The following CPLX1 variants were observed in gnomAD, a reference collection of about 807,000 sequenced individuals.
CPLX1 encodes complexin-1.
In CPLX1, 6 loss-of-function variants were observed where a neutral mutation model predicts 15.6. The observed-to-expected ratio is 0.39, with a 90% CI of 0.21 to 0.76. CPLX1 has a LOEUF of 0.76. Among genes scored for constraint, CPLX1 ranks in the 30% least tolerant of loss-of-function variants. The pLI is 0.43. For missense variants in CPLX1, 242 were observed against 188.6 expected (o/e 1.28, Z -1.66); for synonymous variants, 91 against 75.2 (o/e 1.21, Z -1.08).
intron 2 of CPLX1, among the ~76,000 whole-genome samples, chr4:809,527 G>T (rs1358269692): frequency 2.0e-5 from 3 of 152,238 alleles, no homozygotes; most frequent in Non-Finnish European, 4.4e-5. Context: ...ATGGCCTGAG[G>T]GGGTGGGGGG....
chr4:816,106 G>A (rs1381714741), intron 2 of CPLX1, among the ~76,000 whole-genome samples: 1 of 152,044 alleles, frequency 6.6e-6, no homozygotes, highest in Non-Finnish European at 1.5e-5. Context: ...ACCAGCCTGA[G>A]ACCTCAGCTC....
intron 3 of CPLX1, 89 bp downstream of exon 3, chr4:792,344 T>C (rs1746203639): frequency 7.8e-7 from 1 of 1,279,822 alleles, no homozygotes; most frequent in African/African-American, 1.6e-5. Context: ...CCGCCCCTCT[T>C]CCGGGCAGCC....
intron 2 of CPLX1, among the ~76,000 whole-genome samples, chr4:800,971 C>T (rs909251305): frequency 6.6e-6 from 1 of 150,894 alleles, no homozygotes; most frequent in Admixed American, 6.6e-5. Context: ...GAGCCAAGAT[C>T]GTGCCACTGC....
chr4:787,507 G>C, intron 3 of CPLX1: 1 of 664,362 alleles, frequency 1.5e-6, no homozygotes, highest in African/African-American at 2.0e-5. Context: ...GATTTGAGGG[G>C]CCTCAAGTCC....
chr4:822,136 CTG>C (rs1300079976), intron 2 of CPLX1, among the ~76,000 whole-genome samples: 2 of 141,492 alleles, frequency 1.4e-5, no homozygotes, highest in Non-Finnish European at 1.6e-5. Context: ...CCTCTCACCA[CTG>C]TCTCTCCCTC....
intron 2 of CPLX1, among the ~76,000 whole-genome samples, chr4:795,655 G>A (rs565247331): frequency 1.3e-5 from 2 of 152,304 alleles, no homozygotes; most frequent in Admixed American, 1.3e-4. Context: ...CGGTGGGGGG[G>A]CGCACCGGGC....
chr4:790,865 GCTGTCTCTCCCTCTCTCTGTGC>G (rs1334897911), intron 3 of CPLX1, among the ~76,000 whole-genome samples: 23 of 151,842 alleles, frequency 1.5e-4, no homozygotes, highest in Admixed American at 7.9e-4. Flanking sequence ...GGCCTTGATT[GCTGTCTCTCCCTCTCTCTGTGC>G]CTGTCTCTCC....
In CPLX1 at chr4:786,570, C is replaced by T. The variant is rs951969303; in HGVS notation, c.336G>A (p.Glu112=). ...TGACGGTGTCCAGGATGCTCTCGTCCTCCTCCTCCACCTCGTCCCCGCAGC... is the reference window on the plus strand; with the variant it reads ...TGACGGTGTCCAGGATGCTCTCGTCTTCCTCCTCCACCTCGTCCCCGCAGC... ...PPGCGDEVEE[E]DESILDTVIK... Residue 112 remains glutamate (E), a synonymous_variant, in exon 4 of 4, where the codon GAG becomes GAA. Transcript: ENST00000304062. The T allele has an allele frequency of 6.2e-7, 1 of 1,610,110 alleles. No individual in the cohort carries two copies. Among genetic ancestry groups the T allele is most frequent in the Non-Finnish European group, 8.5e-7 (1 of 1,178,386 alleles).
chr4:794,664 G>T (rs1036505790), intron 2 of CPLX1, among the ~76,000 whole-genome samples: 1 of 152,200 alleles, frequency 6.6e-6, no homozygotes, highest in Non-Finnish European at 1.5e-5. Flanking sequence ...TAACCCCCAT[G>T]AGAAAAGCTA....
At chr4:794,546 C>G (rs1664197776) in intron 2 of CPLX1, among the ~76,000 whole-genome samples, 1 of 152,192 alleles carries the variant, frequency 6.6e-6, no homozygotes, top group Non-Finnish European at 1.5e-5. Flanking sequence ...TTCTAACAGT[C>G]CCCAGTCATT....
chr4:823,828 T>C (rs1746919618), intron 2 of CPLX1, among the ~76,000 whole-genome samples: 1 of 152,212 alleles, frequency 6.6e-6, no homozygotes, highest in Non-Finnish European at 1.5e-5. Context: ...TCCTTTCAAA[T>C]AGCAGACAGC....
intron 2 of CPLX1, among the ~76,000 whole-genome samples, chr4:809,653 A>G (rs1746624535): frequency 6.6e-6 from 1 of 152,148 alleles, no homozygotes; most frequent in Admixed American, 6.6e-5. Context: ...TAACTGACAT[A>G]CCCTAAGTCT....
chr4:803,362 G>C (rs1448588216), intron 2 of CPLX1, among the ~76,000 whole-genome samples: 3 of 152,106 alleles, frequency 2.0e-5, no homozygotes, highest in Admixed American at 1.3e-4. Flanking sequence ...GCCCTGGAAG[G>C]CGACAGCACC....
chr4:799,220 A>T (rs1309155315), intron 2 of CPLX1, among the ~76,000 whole-genome samples: 1 of 152,254 alleles, frequency 6.6e-6, no homozygotes, highest in Non-Finnish European at 1.5e-5. Flanking sequence ...GGAGGAAGGA[A>T]CGCTACAGAG....
intron 2 of CPLX1, among the ~76,000 whole-genome samples, chr4:817,854 G>A (rs79644742): frequency 0.015 from 2,227 of 152,220 alleles, 58 homozygotes; most frequent in African/African-American, 0.049. Context: ...CCCACCAGCC[G>A]TGAGGGGAGG....
chr4:822,403 G>A (rs754323075), intron 2 of CPLX1, among the ~76,000 whole-genome samples: 32 of 150,704 alleles, frequency 2.1e-4, no homozygotes, highest in East Asian at 2.0e-4. Context: ...CTCTGTCTCC[G>A]TCTCTCCCTC....
chr4:787,594 C>G (rs1001831275), intron 3 of CPLX1: 22 of 830,414 alleles, frequency 2.6e-5, no homozygotes, highest in Non-Finnish European at 3.0e-5. Flanking sequence ...GAGGAGGTCG[C>G]GAGTGGTCAA....
At position 786,695 on chromosome 4, in the gene CPLX1, C is replaced by G. The variant is rs754312433; in HGVS notation, c.211G>C (p.Gly71Arg). Reference sequence around the variant, plus strand: ...TCGCGCTCCTCCTTCTTCTTGATGCCGTACTGCGGGGGAGGCGGGGGTCAG... The same window carrying G: ...TCGCGCTCCTCCTTCTTCTTGATGCGGTACTGCGGGGGAGGCGGGGGTCAG... ...AVRQGIRDKYGIKKKEEREAE... is the reference protein window; with the variant it reads ...AVRQGIRDKYRIKKKEEREAE... Residue 71 changes from glycine to arginine, a missense_variant, in exon 4 of 4, where the codon GGC becomes CGC. Physicochemically the swap from Gly to Arg is moderately radical, Grantham distance 125. Coordinates refer to ENST00000304062, the MANE Select transcript of CPLX1 (RefSeq NM_006651.4). 6.9e-6 allele frequency: 11 copies of G among 1,596,818 alleles called. No homozygotes were observed. The highest frequency in any genetic ancestry group is 2.7e-5 in the African/African-American group (2 of 74,136).
At chr4:797,136 T>G (rs780444419) in intron 2 of CPLX1, among the ~76,000 whole-genome samples, 1 of 152,200 alleles carries the variant, frequency 6.6e-6, no homozygotes, top group African/African-American at 2.4e-5. Context: ...CAAATAAATG[T>G]AGGCAAAGAA....
Sources: allele counts gnomAD v4.1 joint callset (sites outside exome capture counted in the v4.1 genomes callset), GRCh38; gene constraint gnomAD v4.1.1; transcripts MANE v1.5; gene names NCBI Gene and HGNC (gene_info 2026-07-23, HGNC 2026-07-21).